Variants in KCNIP4 observed in about 807,000 individuals in gnomAD.
KCNIP4 encodes Kv channel-interacting protein 4.
A neutral mutation model predicts 34.0 loss-of-function variants in KCNIP4; 12 were observed. The observed-to-expected ratio is 0.35, with a 90% CI of 0.23 to 0.57. The LOEUF is 0.57. Among genes scored for constraint, KCNIP4 ranks in the 20% least tolerant of loss-of-function variants. The probability of loss-of-function intolerance (pLI) is 0.83; values close to 1 mark genes in which losing one functional copy is unlikely to be tolerated. For missense variants in KCNIP4, 238 were observed against 311.7 expected, an observed-to-expected ratio of 0.76 and a Z score of 1.78; for synonymous variants, 124 against 102.2, an observed-to-expected ratio of 1.21 and a Z score of -1.29.
At chr4:21,041,878 G>A (rs1741993651) in intron 1 of KCNIP4, among the ~76,000 whole-genome samples, 1 of 152,192 alleles carries the variant, frequency 6.6e-6, no homozygotes, top group African/African-American at 2.4e-5. Flanking sequence ...GTGTGAAGCA[G>A]ATGTGTGTCT....
chr4:21,808,742 T>TTC (rs1721450254), intron 1 of KCNIP4, among the ~76,000 whole-genome samples: 1 of 152,210 alleles, frequency 6.6e-6, no homozygotes, highest in Non-Finnish European at 1.5e-5. Flanking sequence ...AATTTTAGAA[T>TTC]TCTCTCCAGG....
At chr4:21,103,394 C>A (rs1360190914) in intron 1 of KCNIP4, among the ~76,000 whole-genome samples, 2 of 145,156 alleles carry the variant, frequency 1.4e-5, no homozygotes, top group African/African-American at 2.5e-5. Flanking sequence ...ATATATATAT[C>A]TCCAATATCT....
intron 1 of KCNIP4, among the ~76,000 whole-genome samples, chr4:21,089,066 A>G (rs2109039024): frequency 6.6e-6 from 1 of 152,352 alleles, no homozygotes; most frequent in Non-Finnish European, 1.5e-5. Context: ...GGAAAGAAAT[A>G]AGGCCATGGC....
intron 6 of KCNIP4, 143 bp from the exon 7 acceptor site, chr4:20,732,928 C>G: frequency 1.7e-6 from 1 of 579,088 alleles, no homozygotes; most frequent in Non-Finnish European, 3.0e-6. Flanking sequence ...TGTTGGTTGT[C>G]CCAAAGGAAA....
chr4:21,380,415 G>T (rs987715852), intron 1 of KCNIP4, among the ~76,000 whole-genome samples: 1 of 150,678 alleles, frequency 6.6e-6, no homozygotes, highest in African/African-American at 2.4e-5. Context: ...GGCAGGGTGG[G>T]GGTCTGGGGG....
intron 1 of KCNIP4, among the ~76,000 whole-genome samples, chr4:21,392,554 C>T (rs140182841): frequency 7.9e-5 from 12 of 152,226 alleles, no homozygotes; most frequent in South Asian, 2.1e-4. Flanking sequence ...ATTTACGAAG[C>T]GCTGTGAGCT....
intron 1 of KCNIP4, among the ~76,000 whole-genome samples, chr4:21,214,412 A>T (rs1283747405): frequency 2.0e-5 from 3 of 152,120 alleles, no homozygotes; most frequent in African/African-American, 7.2e-5. Context: ...TGTCTCTTTC[A>T]TTAGGCTGAC....
At chr4:21,147,163 C>T (rs1484821571) in intron 1 of KCNIP4, among the ~76,000 whole-genome samples, 1 of 152,034 alleles carries the variant, frequency 6.6e-6, no homozygotes, top group Non-Finnish European at 1.5e-5. Flanking sequence ...AAGATCCCTC[C>T]CTGAGGCTTG....
At chr4:21,216,924 T>C (rs1195493834) in intron 1 of KCNIP4, among the ~76,000 whole-genome samples, 2 of 152,202 alleles carry the variant, frequency 1.3e-5, no homozygotes, top group African/African-American at 4.8e-5. Flanking sequence ...CTATAGTATC[T>C]ATACTTCTGA....
chr4:21,701,036 T>C (rs533903114), intron 1 of KCNIP4, among the ~76,000 whole-genome samples: 1 of 152,292 alleles, frequency 6.6e-6, no homozygotes, highest in African/African-American at 2.4e-5. Flanking sequence ...AATAAAAAAA[T>C]GTGGTATATA....
At chr4:20,958,833 C>T (rs1733571283) in intron 1 of KCNIP4, among the ~76,000 whole-genome samples, 1 of 152,200 alleles carries the variant, frequency 6.6e-6, no homozygotes, top group South Asian at 2.1e-4. Context: ...TGTTGGTTTT[C>T]ACCAGCATGA....
At chr4:20,939,284 T>A (rs1038755594) in intron 1 of KCNIP4, among the ~76,000 whole-genome samples, 2 of 152,202 alleles carry the variant, frequency 1.3e-5, no homozygotes, top group Non-Finnish European at 2.9e-5. Flanking sequence ...AACTTGCTCA[T>A]CTCAGCTTGC....
At chr4:20,952,386 A>G (rs140197328) in intron 1 of KCNIP4, among the ~76,000 whole-genome samples, 203 of 152,302 alleles carry the variant, frequency 1.3e-3, no homozygotes, top group African/African-American at 4.8e-3. Flanking sequence ...ACTCCTTTAT[A>G]TAACAGCAAT....
In KCNIP4 at chr4:20,802,114, A is replaced by ATATATATGCTATATATATGC. The variant is rs1300790348; in HGVS notation, c.289-43244_289-43225dup. On this transcript the variant is annotated intron_variant, in intron 3 of 8. Transcript: ENST00000382152. ...TATACATATTGCATATATATATGCT[A>ATATATATGCTATATATATGC]TATATATGCTATATATATGCTATAT... 2.1e-3 allele frequency among the ~76,000 whole-genome samples: 314 copies of ATATATATGCTATATATATGC among 146,826 alleles called. 4 individuals carry two copies. The highest frequency in any genetic ancestry group is 0.014 in the Middle Eastern group (4 of 278).
intron 1 of KCNIP4, among the ~76,000 whole-genome samples, chr4:21,111,237 G>C (rs1327946442): frequency 1.3e-5 from 2 of 152,284 alleles, no homozygotes; most frequent in Admixed American, 1.3e-4. Context: ...AGGAGAAAGA[G>C]AGAACGAAAG....
At chr4:20,862,466 T>C (rs942934109) in intron 2 of KCNIP4, among the ~76,000 whole-genome samples, 1 of 151,960 alleles carries the variant, frequency 6.6e-6, no homozygotes, top group Non-Finnish European at 1.5e-5. Context: ...CCAAAAGAGA[T>C]TGATATACTA....
chr4:21,924,539 T>C (rs1729126289), intron 1 of KCNIP4, among the ~76,000 whole-genome samples: 1 of 152,112 alleles, frequency 6.6e-6, no homozygotes, highest in Non-Finnish European at 1.5e-5. Context: ...CCACCGCGCC[T>C]GGACAATATA....
At chr4:21,433,078 T>G (rs1191263849) in intron 1 of KCNIP4, among the ~76,000 whole-genome samples, 1 of 152,182 alleles carries the variant, frequency 6.6e-6, no homozygotes, top group Non-Finnish European at 1.5e-5. Flanking sequence ...CCCCAATTCT[T>G]TCACCTATCA....
intron 1 of KCNIP4, among the ~76,000 whole-genome samples, chr4:21,915,042 T>G (rs1263060033): frequency 6.6e-6 from 1 of 152,100 alleles, no homozygotes; most frequent in African/African-American, 2.4e-5. Flanking sequence ...TGAGAGCAGT[T>G]GAATCTTATA....
Sources: allele counts gnomAD v4.1 joint callset (sites outside exome capture counted in the v4.1 genomes callset), GRCh38; gene constraint gnomAD v4.1.1; transcripts MANE v1.5; gene names NCBI Gene and HGNC (gene_info 2026-07-23, HGNC 2026-07-21).